Variants in FAM91A1 observed in about 807,000 individuals in gnomAD.
FAM91A1 encodes family with sequence similarity 91 member A1.
Under a neutral mutation model 113.5 loss-of-function variants are expected in FAM91A1, and 41 were observed. The observed-to-expected ratio is 0.36, with a 90% CI of 0.28 to 0.47. The LOEUF (loss-of-function observed/expected upper bound fraction) is 0.47. Among genes scored for constraint, FAM91A1 ranks in the 20% least tolerant of loss-of-function variants. The pLI, the probability that FAM91A1 is intolerant of heterozygous loss-of-function variation, is 1.00. For synonymous variants in FAM91A1, 307 were observed against 347.9 expected, an observed-to-expected ratio of 0.88 and a Z score of 1.31; for missense variants, 696 against 1,001.2, an observed-to-expected ratio of 0.70 and a Z score of 4.11.
intron 4 of FAM91A1, among the ~76,000 whole-genome samples, 161 bp downstream of exon 4, chr8:123,777,483 G>A (rs1482200011): frequency 6.6e-6 from 1 of 152,182 alleles, no homozygotes; most frequent in Non-Finnish European, 1.5e-5. Context: ...GATACCAGAT[G>A]CATGTGTAAG....
Position 123,789,625 on chromosome 8 carries a change from G to A in FAM91A1, c.1291G>A (p.Gly431Ser). 1.2e-6 allele frequency: 2 copies of A among 1,611,676 alleles called. No individual in the cohort carries two copies. The highest frequency in any genetic ancestry group is 1.7e-6 in the Non-Finnish European group (2 of 1,179,638). ...LIELEKVQST[G>S]EGEAQRYFDH... The stretch of plus-strand genomic sequence containing the variant: ...TCTCTTGGTTTAGGTTCAGAGCACT[G>A]GTGAAGGAGAAGCACAGAGATATTT... Residue 431 changes from glycine to serine, a missense_variant, in exon 15 of 24, where the codon GGT becomes AGT. Coordinates refer to ENST00000334705, the MANE Select transcript of FAM91A1 (RefSeq NM_144963.4).
chr8:123,775,180 A>G lies in FAM91A1; in HGVS notation c.191A>G (p.Tyr64Cys), dbSNP rs374789729. Residue 64 changes from tyrosine to cysteine, a missense_variant, in exon 3 of 24, where the codon TAT becomes TGT. Tyr to Cys is a radical substitution (Grantham distance 194). Coordinates refer to ENST00000334705, the MANE Select transcript of FAM91A1 (RefSeq NM_144963.4). ...GTCAAGAAAGATGAACGCAGATACT[A>G]TGAGGAACTGCTAAAGTACAGCCGA... ...KHVKKDERRY[Y>C]EELLKYSRDH... The G allele has an allele frequency of 4.3e-6, 7 of 1,612,526 alleles. No homozygotes were observed. The highest frequency in any genetic ancestry group is 1.3e-5 in the African/African-American group (1 of 74,882).
At chr8:123,769,514 G>A (rs1391294221) in intron 1 of FAM91A1, among the ~76,000 whole-genome samples, 1 of 152,130 alleles carries the variant, frequency 6.6e-6, no homozygotes, top group Non-Finnish European at 1.5e-5. Context: ...AGACAAGATG[G>A]GTTTATCAGA....
In FAM91A1 at chr8:123,787,382, A is replaced by G; in HGVS notation, c.1191+9A>G. The G allele has an allele frequency of 6.3e-7, 1 of 1,593,160 alleles. No homozygotes were observed. Among genetic ancestry groups the G allele is most frequent in the Non-Finnish European group, 8.6e-7 (1 of 1,163,300 alleles). On this transcript the variant is annotated intron_variant, in intron 13 of 23. Coordinates refer to ENST00000334705, the MANE Select transcript of FAM91A1 (RefSeq NM_144963.4). ...TGGGAAATCTTTCACCAGTAAGCCC[A>G]ATTCTTGTTTAAATATGAAGGTGTT...
chr8:123,784,686 G>C (rs17259760), intron 9 of FAM91A1, 110 bp downstream of exon 9: 89,100 of 633,720 alleles, frequency 0.14, 7,622 homozygotes, highest in Non-Finnish European at 0.17. Flanking sequence ...CATGTGGGGA[G>C]ATCATACCAT....
At chr8:123,795,702 A>G (rs1213256002) in intron 15 of FAM91A1, among the ~76,000 whole-genome samples, 1 of 152,190 alleles carries the variant, frequency 6.6e-6, no homozygotes, top group Non-Finnish European at 1.5e-5. Flanking sequence ...ATTGAGGAGA[A>G]AGGATATCTG....
chr8:123,807,217 C>A (rs192170299), intron 20 of FAM91A1, among the ~76,000 whole-genome samples: 245 of 152,220 alleles, frequency 1.6e-3, no homozygotes, highest in African/African-American at 5.5e-3. Context: ...ATTGCAGGAG[C>A]ATTTTCTAGA....
intron 8 of FAM91A1, among the ~76,000 whole-genome samples, chr8:123,781,842 C>G (rs934543029): frequency 1.3e-5 from 2 of 152,082 alleles, no homozygotes; most frequent in Admixed American, 6.6e-5. Context: ...TACTAATTTG[C>G]GTTTGTATAG....
At chr8:123,769,188 G>A (rs943667064) in intron 1 of FAM91A1, among the ~76,000 whole-genome samples, 2 of 152,234 alleles carry the variant, frequency 1.3e-5, no homozygotes, top group Non-Finnish European at 1.5e-5. Flanking sequence ...AGCAGAGGGA[G>A]GGAGAAATTA....
rs1401827502 is a variant in FAM91A1 at position 123,814,526 on chromosome 8, A to T, written c.*1822A>T. ...GTTGTTGGTGAATTTAAAGCTTAAA[A>T]TATGGGAATGATTTGCTGCTATATT... On this transcript the variant is annotated 3_prime_UTR_variant, in exon 24 of 24. Coordinates refer to ENST00000334705, the MANE Select transcript of FAM91A1 (RefSeq NM_144963.4). 6.3e-6 allele frequency: 1 copy of T among 159,712 alleles called. No homozygotes were observed. The highest frequency in any genetic ancestry group is 6.5e-5 in the Admixed American group (1 of 15,338). The allele number at this position is 159,712 out of a possible 1,614,324, so 9.9% of individuals were successfully genotyped here.
At chr8:123,799,133 T>C (rs1217218947) in intron 16 of FAM91A1, among the ~76,000 whole-genome samples, 3 of 152,196 alleles carry the variant, frequency 2.0e-5, no homozygotes, top group Non-Finnish European at 2.9e-5. Context: ...ATCGAGCTTA[T>C]TATATTCCAA....
At chr8:123,795,755 A>AG in intron 15 of FAM91A1, among the ~76,000 whole-genome samples, 1 of 152,274 alleles carries the variant, frequency 6.6e-6, no homozygotes, top group South Asian at 2.1e-4. Context: ...CCTATTCTGG[A>AG]AAAAAATGCC....
chr8:123,783,260 A>G (rs1317792953), intron 8 of FAM91A1, among the ~76,000 whole-genome samples: 1 of 152,222 alleles, frequency 6.6e-6, no homozygotes, highest in Non-Finnish European at 1.5e-5. Flanking sequence ...GGATTAAATG[A>G]AAATGTATAT....
At position 123,774,105 on chromosome 8, in the gene FAM91A1, A is replaced by C; in HGVS notation, c.98A>C (p.Tyr33Ser). The change falls in exon 2 of 24, where the codon TAT becomes TCT. Residue 33 changes from tyrosine to serine, a missense_variant. Coordinates refer to ENST00000334705, the MANE Select transcript of FAM91A1 (RefSeq NM_144963.4). ...AGTCTTGGAAATTCACAGAGAGAAT[A>C]TGAAAAGCAGGTTGTCCTGTACAGT... ...RQSLGNSQRE[Y>S]EKQVVLYSIR... is the part of the protein sequence containing the mutation. 6.2e-7 allele frequency: 1 copy of C among 1,607,914 alleles called. No homozygotes were observed.
In FAM91A1 at chr8:123,808,278, C is replaced by T. The variant is rs766805197; in HGVS notation, c.2039C>T (p.Pro680Leu). 6.2e-7 allele frequency: 1 copy of T among 1,611,690 alleles called. No individual in the cohort carries two copies. The highest frequency in any genetic ancestry group is 8.5e-7 in the Non-Finnish European group (1 of 1,179,214). The change falls in exon 21 of 24, where the codon CCT becomes CTT. Residue 680 changes from proline to leucine, a missense_variant. By Grantham distance (98) the Pro-to-Leu change is moderately conservative. Coordinates refer to ENST00000334705, the MANE Select transcript of FAM91A1 (RefSeq NM_144963.4). ...TATGCCCTTTAATTATAAGGAGAAC[C>T]TGATTTGGCTTCTGGCTCAGATGTA... ...LSDASDERGE[P>L]DLASGSDVNG...
intron 15 of FAM91A1, among the ~76,000 whole-genome samples, chr8:123,797,380 T>C (rs973470441): frequency 3.3e-5 from 5 of 152,152 alleles, no homozygotes; most frequent in African/African-American, 1.2e-4. Context: ...ACAGTGTGTT[T>C]ACAGTGTGTA....
intron 22 of FAM91A1, among the ~76,000 whole-genome samples, chr8:123,809,717 C>G (rs1171566881): frequency 6.6e-6 from 1 of 152,090 alleles, no homozygotes; most frequent in Non-Finnish European, 1.5e-5. Context: ...TGTAATGTAG[C>G]TTTTATCAGA....
intron 23 of FAM91A1, 138 bp from the exon 24 acceptor site, chr8:123,812,381 T>C (rs1270093479): frequency 3.2e-6 from 2 of 622,718 alleles, no homozygotes; most frequent in East Asian, 3.0e-5. Context: ...GCTCACAGTG[T>C]AGATCTTTGC....
intron 15 of FAM91A1, among the ~76,000 whole-genome samples, chr8:123,790,851 A>C (rs1815366842): frequency 6.6e-6 from 1 of 152,224 alleles, no homozygotes; most frequent in Non-Finnish European, 1.5e-5. Context: ...ATTCATAAAT[A>C]GTTAAAACTG....
Sources: gnomAD v4.1 joint callset for allele counts (sites outside exome capture counted in the v4.1 genomes callset) on GRCh38, gnomAD v4.1.1 for gene constraint, MANE v1.5 for transcripts, NCBI Gene and HGNC (gene_info 2026-07-23, HGNC 2026-07-21) for gene names.